The following ADGRV1 variants were observed in gnomAD, a reference collection of about 807,000 sequenced individuals.
The protein encoded by ADGRV1 is G-protein coupled receptor 98.
A neutral mutation model predicts 596.2 loss-of-function variants in ADGRV1; 359 were observed. The ratio of observed to expected loss-of-function variants is 0.60; its 90% confidence interval spans 0.55 to 0.66. The LOEUF (loss-of-function observed/expected upper bound fraction) is 0.66, where lower values mean the gene tolerates loss of function less well. Among genes scored for constraint, ADGRV1 ranks in the 30% least tolerant of loss-of-function variants. ADGRV1 has a pLI of 0.00. For missense variants in ADGRV1, 7,274 were observed against 7,575.6 expected (o/e 0.96, Z 1.48); for synonymous variants, 2,681 against 2,679.2 (o/e 1.00, Z -0.02).
At position 90,585,044 on chromosome 5, in the gene ADGRV1, G is replaced by A. The variant is rs556168723; in HGVS notation, c.22+26127G>A. Among the ~76,000 whole-genome samples the A allele has an allele frequency of 2.0e-4, 31 of 152,260 alleles. 1 individual carries two copies. The highest frequency in any genetic ancestry group is 7.5e-4 in the African/African-American group (31 of 41,548). ...CTGGGTTACTTTAAAAAAGGAAAAA[G>A]CCACTTTGACCTCCTGATGATGATA... On this transcript the variant is annotated intron_variant, in intron 1 of 89. Transcript: ENST00000405460.
At chr5:90,952,487 G>A (rs1777137388) in intron 83 of ADGRV1, among the ~76,000 whole-genome samples, 1 of 152,156 alleles carries the variant, frequency 6.6e-6, no homozygotes, top group African/African-American at 2.4e-5. Flanking sequence ...ACTGGAGTCT[G>A]TGGAAGGATG....
intron 75 of ADGRV1, among the ~76,000 whole-genome samples, chr5:90,816,305 C>T (rs1762885343): frequency 6.6e-6 from 1 of 151,102 alleles, no homozygotes; most frequent in Admixed American, 6.6e-5. Context: ...TTTAGGACCT[C>T]CCTATAATTC....
At chr5:91,043,970 G>A (rs1342775166) in intron 85 of ADGRV1, among the ~76,000 whole-genome samples, 1 of 151,836 alleles carries the variant, frequency 6.6e-6, no homozygotes, top group East Asian at 1.9e-4. Context: ...AAAGCAATCT[G>A]AGTGAGGTCT....
chr5:90,791,539 G>A (rs149019120), intron 70 of ADGRV1, 193 bp downstream of exon 70: 12 of 552,300 alleles, frequency 2.2e-5, no homozygotes, highest in African/African-American at 1.9e-4. Context: ...TATTTGGATG[G>A]AGATAATAGA....
At chr5:90,821,285 C>T (rs1561800740) in intron 75 of ADGRV1, among the ~76,000 whole-genome samples, 1 of 151,120 alleles carries the variant, frequency 6.6e-6, no homozygotes, top group Non-Finnish European at 1.5e-5. Flanking sequence ...TTAAGCACTT[C>T]TCTGTATTGG....
At chr5:90,688,218 A>T (rs1010446809) in intron 29 of ADGRV1, among the ~76,000 whole-genome samples, 12 of 152,226 alleles carry the variant, frequency 7.9e-5, no homozygotes, top group Non-Finnish European at 1.3e-4. Context: ...ATGGAACAGA[A>T]CAGAGCCCTC....
intron 17 of ADGRV1, among the ~76,000 whole-genome samples, chr5:90,648,861 G>A (rs1054423628): frequency 2.6e-5 from 4 of 152,264 alleles, no homozygotes; most frequent in South Asian, 2.1e-4. Context: ...CAGATCTTAC[G>A]TAGACTAAAA....
At chr5:90,877,455 C>T (rs1254560063) in intron 83 of ADGRV1, among the ~76,000 whole-genome samples, 1 of 152,074 alleles carries the variant, frequency 6.6e-6, no homozygotes, top group East Asian at 1.9e-4. Context: ...TTTAGTGTCT[C>T]ACAAGCATTT....
intron 85 of ADGRV1, among the ~76,000 whole-genome samples, chr5:91,016,576 A>T (rs984645988): frequency 1.3e-5 from 2 of 151,996 alleles, no homozygotes; most frequent in South Asian, 4.1e-4. Context: ...AGAAACAGAC[A>T]TGCAATCCTA....
intron 77 of ADGRV1, among the ~76,000 whole-genome samples, chr5:90,833,402 A>T (rs1050119655): frequency 6.6e-6 from 1 of 152,086 alleles, no homozygotes; most frequent in Non-Finnish European, 1.5e-5. Flanking sequence ...CTCCCACCTC[A>T]GCCTCTCAAG....
In ADGRV1 at chr5:90,614,914, A is replaced by G; in HGVS notation, c.102A>G (p.Arg34=). Residue 34 remains arginine (R), a synonymous_variant, in exon 2 of 90, where the codon AGA becomes AGG. Coordinates refer to ENST00000405460, the MANE Select transcript of ADGRV1 (RefSeq NM_032119.4). ...TTGTGTTTGGAGAAACAGAAATAAG[A>G]TTTACTGGACAAACTGAATTTGTTG... is the stretch of plus-strand genomic sequence containing the variant. ...ILFVFGETEI[R]FTGQTEFVVN... 3 of 1,606,798 alleles carry G rather than the reference A, an allele frequency of 1.9e-6. No homozygotes were observed. The highest frequency in any genetic ancestry group is 2.6e-6 in the Non-Finnish European group (3 of 1,175,622).
intron 29 of ADGRV1, among the ~76,000 whole-genome samples, chr5:90,686,287 A>G (rs1335333720): frequency 3.3e-5 from 5 of 151,984 alleles, no homozygotes; most frequent in Non-Finnish European, 7.4e-5. Flanking sequence ...ATATGTATAC[A>G]TGTGCCATGC....
intron 10 of ADGRV1, among the ~76,000 whole-genome samples, chr5:90,637,186 C>T (rs1766324031): frequency 6.6e-6 from 1 of 152,062 alleles, no homozygotes; most frequent in South Asian, 2.1e-4. Context: ...CTCAAGGTAA[C>T]CCAGAGTCAT....
chr5:90,592,245 A>C (rs1484670517), intron 1 of ADGRV1, among the ~76,000 whole-genome samples: 1 of 152,260 alleles, frequency 6.6e-6, no homozygotes. Flanking sequence ...GTGGATAAAG[A>C]AAATGTGGTA....
intron 85 of ADGRV1, among the ~76,000 whole-genome samples, chr5:91,021,799 C>G (rs1783652672): frequency 6.6e-6 from 1 of 151,954 alleles, no homozygotes; most frequent in South Asian, 2.1e-4. Flanking sequence ...AATTTTATTT[C>G]AAAAGAAGAG....
Position 90,644,755 on chromosome 5 carries a change from A to G in ADGRV1, c.2784A>G (p.Val928=), listed in dbSNP as rs1767487731. 6.2e-7 allele frequency: 1 copy of G among 1,612,194 alleles called. No homozygotes were observed. Among genetic ancestry groups the G allele is most frequent in the Non-Finnish European group, 8.5e-7 (1 of 1,179,374 alleles). ...GAGGCAACTTTGGTGATGTTAGTGT[A>G]TCATGGGTGGTTAGTCCAGACTTTA... ...RNRGNFGDVS[V]SWVVSPDFTQ... The change falls in exon 15 of 90, where the codon GTA becomes GTG. Residue 928 remains valine, a synonymous_variant. Coordinates refer to ENST00000405460, the MANE Select transcript of ADGRV1 (RefSeq NM_032119.4).
At chr5:90,891,053 T>C (rs1037405013) in intron 83 of ADGRV1, among the ~76,000 whole-genome samples, 4 of 151,710 alleles carry the variant, frequency 2.6e-5, no homozygotes, top group African/African-American at 9.7e-5. Context: ...AGGAATGGAA[T>C]GGGAGAGCGG....
rs764964903 is a variant in ADGRV1 at position 90,691,144 on chromosome 5, A to G, written c.6951+103A>G. The G allele has an allele frequency of 1.1e-5, 16 of 1,393,246 alleles. No homozygotes were observed. The East Asian group carries it at 3.4e-4, about 30-fold the overall frequency. 86.3% of individuals were successfully genotyped at this position (1,393,246 alleles called of 1,614,324 possible). A position where few individuals can be genotyped will look rare whatever the true frequency, so the allele number is the denominator to read the frequency against. On this transcript the variant is annotated intron_variant, in intron 31 of 89. Transcript: ENST00000405460. ...ACATTTTGGAGAGGATGTCAAATAAATTATTCCTGCAAGAATGTTCAAACT... is the reference window on the plus strand; with the variant it reads ...ACATTTTGGAGAGGATGTCAAATAAGTTATTCCTGCAAGAATGTTCAAACT...
intron 1 of ADGRV1, among the ~76,000 whole-genome samples, chr5:90,562,100 G>A (rs1470412781): frequency 6.6e-6 from 1 of 152,166 alleles, no homozygotes; most frequent in Non-Finnish European, 1.5e-5. Context: ...TGTCGAATCA[G>A]GGTGAGAGCT....
Sources: gnomAD v4.1 joint callset for allele counts (sites outside exome capture counted in the v4.1 genomes callset) on GRCh38, gnomAD v4.1.1 for gene constraint, MANE v1.5 for transcripts, NCBI Gene and HGNC (gene_info 2026-07-23, HGNC 2026-07-21) for gene names.